Variants in ACACA observed in about 807,000 individuals in gnomAD.
ACACA encodes the protein acetyl-CoA carboxylase 1.
A neutral mutation model predicts 296.1 loss-of-function variants in ACACA; 103 were observed. The ratio of observed to expected loss-of-function variants is 0.35; its 90% CI spans 0.30 to 0.41. The LOEUF is 0.41. Ranked by LOEUF, ACACA falls within the 10% of genes least tolerant of loss-of-function variation. ACACA has a pLI of 1.00. For missense variants in ACACA, 1,554 were observed against 2,989.7 expected (o/e 0.52, Z 11.20); for synonymous variants, 953 against 1,038.6 (o/e 0.92, Z 1.58).
chr17:37,315,708 C>A (rs1490640075), intron 3 of ACACA, among the ~76,000 whole-genome samples: 1 of 152,164 alleles, frequency 6.6e-6, no homozygotes, highest in Non-Finnish European at 1.5e-5. Flanking sequence ...ACATATAGGG[C>A]AAGGTATGGG....
intron 3 of ACACA, among the ~76,000 whole-genome samples, chr17:37,318,207 G>C (rs2047184522): frequency 6.6e-6 from 1 of 152,022 alleles, no homozygotes; most frequent in South Asian, 2.1e-4. Flanking sequence ...CAATAGATAG[G>C]AAGCAGGAAT....
intron 24 of ACACA, among the ~76,000 whole-genome samples, chr17:37,236,317 T>C (rs1296928802): frequency 6.6e-6 from 1 of 152,228 alleles, no homozygotes; most frequent in South Asian, 2.1e-4. Flanking sequence ...GGAAGCTGTT[T>C]AAAAATTAGC....
At chr17:37,303,657 A>G (rs1238717009) in intron 3 of ACACA, among the ~76,000 whole-genome samples, 1 of 152,222 alleles carries the variant, frequency 6.6e-6, no homozygotes. Flanking sequence ...CAGGAGTTCA[A>G]GACCGGCCTG....
intron 1 of ACACA, chr17:37,378,100 G>T (rs1295802260): frequency 7.9e-6 from 6 of 755,260 alleles, no homozygotes; most frequent in African/African-American, 3.6e-5. Flanking sequence ...CTCCCAGGGG[G>T]CTTTCTGGAA....
chr17:37,289,220 C>T (rs2146684167), intron 3 of ACACA, among the ~76,000 whole-genome samples: 1 of 152,110 alleles, frequency 6.6e-6, no homozygotes, highest in Admixed American at 6.6e-5. Context: ...CAAGATCACG[C>T]CACTGCACTC....
chr17:37,260,240 C>T (rs1414936397), intron 11 of ACACA, among the ~76,000 whole-genome samples: 1 of 105,304 alleles, frequency 9.5e-6, no homozygotes, highest in Admixed American at 1.2e-4. Flanking sequence ...ATATGCATAA[C>T]TCCCAAGTCA....
chr17:37,224,643 A>ATG (rs149864623), intron 27 of ACACA, among the ~76,000 whole-genome samples: 1,574 of 151,998 alleles, frequency 0.01, 32 homozygotes, highest in African/African-American at 0.034. Flanking sequence ...CATCAGAGAA[A>ATG]TGTGTGTGTG....
At chr17:37,351,263 A>G (rs1428871292) in intron 1 of ACACA, among the ~76,000 whole-genome samples, 6 of 152,170 alleles carry the variant, frequency 3.9e-5, no homozygotes, top group Non-Finnish European at 2.9e-5. Context: ...GGGGTTCAAG[A>G]CCAGCCTGGC....
intron 41 of ACACA, among the ~76,000 whole-genome samples, chr17:37,174,012 ATATATATATTT>A (rs1329805118): frequency 2.4e-4 from 3 of 12,468 alleles, no homozygotes; most frequent in Admixed American, 1.6e-3. Flanking sequence ...ATATATATAT[ATATATATATTT>A]TTTTTTTTTT....
intron 2 of ACACA, among the ~76,000 whole-genome samples, chr17:37,333,204 T>C (rs1249853884): frequency 6.6e-6 from 1 of 152,192 alleles, no homozygotes; most frequent in Non-Finnish European, 1.5e-5. Flanking sequence ...TAGTCCTCCA[T>C]GCCCATGCAG....
chr17:37,293,961 T>C (rs1256425669), intron 3 of ACACA, among the ~76,000 whole-genome samples: 2 of 152,234 alleles, frequency 1.3e-5, no homozygotes, highest in Non-Finnish European at 2.9e-5. Context: ...GACACTATCA[T>C]TTAAAGTTAG....
chr17:37,326,353 G>A (rs1300100724), intron 3 of ACACA, among the ~76,000 whole-genome samples: 1 of 151,712 alleles, frequency 6.6e-6, no homozygotes, highest in East Asian at 1.9e-4. Context: ...CTAACATGGA[G>A]AAACCCTGTC....
At chr17:37,141,589 T>C (rs960808194) in intron 45 of ACACA, among the ~76,000 whole-genome samples, 3 of 152,160 alleles carry the variant, frequency 2.0e-5, no homozygotes, top group African/African-American at 7.2e-5. Flanking sequence ...ATGGGAAATG[T>C]ATTATGCCTT....
chr17:37,316,847 T>C (rs2047116672), intron 3 of ACACA, among the ~76,000 whole-genome samples: 1 of 150,916 alleles, frequency 6.6e-6, no homozygotes, highest in East Asian at 2.0e-4. Flanking sequence ...CCGAGGAGGG[T>C]AGATCACCTA....
At chr17:37,368,968 A>C (rs1471339890) in intron 1 of ACACA, among the ~76,000 whole-genome samples, 2 of 152,228 alleles carry the variant, frequency 1.3e-5, no homozygotes, top group African/African-American at 4.8e-5. Flanking sequence ...TTCTGGATTT[A>C]TACCCTGGAG....
chr17:37,128,767 A>G (rs568410869), intron 47 of ACACA, among the ~76,000 whole-genome samples: 1 of 152,354 alleles, frequency 6.6e-6, no homozygotes, highest in African/African-American at 2.4e-5. Flanking sequence ...CACTCCATGT[A>G]TCTATATAAT....
At chr17:37,110,706 G>GC (rs1251683079) in intron 52 of ACACA, among the ~76,000 whole-genome samples, 1 of 152,106 alleles carries the variant, frequency 6.6e-6, no homozygotes, top group African/African-American at 2.4e-5. Context: ...AAATGAGCTA[G>GC]CATCTCTCTT....
intron 33 of ACACA, among the ~76,000 whole-genome samples, chr17:37,203,599 C>T (rs1177089168): frequency 6.6e-6 from 1 of 151,682 alleles, no homozygotes; most frequent in Non-Finnish European, 1.5e-5. Context: ...AAAAATTAGC[C>T]GGGTGTGGTG....
chr17:37,207,753 G>C lies in ACACA; in HGVS notation c.3755C>G (p.Ala1252Gly). 1 of 1,613,924 alleles carries C rather than the reference G, an allele frequency of 6.2e-7. No homozygotes were observed. The highest frequency in any genetic ancestry group is 8.5e-7 in the Non-Finnish European group (1 of 1,179,824). ...GTCCAACAGTACATCGCTGACACTA[G>C]CTACATGGGTCATGCCATAGTGGTT... is the stretch of plus-strand genomic sequence containing the variant. ...NLNHYGMTHV[A>G]SVSDVLLDNS... The change falls in exon 31 of 56, where the codon GCT (alanine) becomes GGT (glycine). Residue 1252 changes from alanine (A) to glycine (G), a missense_variant. Coordinates refer to ENST00000616317, the MANE Select transcript of ACACA (RefSeq NM_198834.3).
Sources: allele counts gnomAD v4.1 joint callset (sites outside exome capture counted in the v4.1 genomes callset), GRCh38; gene constraint gnomAD v4.1.1; transcripts MANE v1.5; gene names NCBI Gene and HGNC (gene_info 2026-07-23, HGNC 2026-07-21).